ATP10B: variants seen among roughly 807,000 people sequenced by gnomAD.
The protein encoded by ATP10B is ATPase phospholipid transporting 10B (putative).
A neutral mutation model predicts 141.2 loss-of-function variants in ATP10B; 122 were observed. That is an observed-to-expected ratio of 0.86 (90% CI 0.75 to 1.00). The LOEUF (loss-of-function observed/expected upper bound fraction) is 1.00. Among genes scored for constraint, ATP10B ranks in the 50% least tolerant of loss-of-function variants. The probability of loss-of-function intolerance (pLI) is 0.00; values close to 1 mark genes in which losing one functional copy is unlikely to be tolerated. For synonymous variants in ATP10B, 685 were observed against 692.0 expected (o/e 0.99, Z 0.16); for missense variants, 1,876 against 1,825.3 (o/e 1.03, Z -0.51).
chr5:160,752,015 C>T (rs116721268), intron 2 of ATP10B, among the ~76,000 whole-genome samples: 76 of 152,198 alleles, frequency 5.0e-4, no homozygotes, highest in Non-Finnish European at 6.5e-4. Flanking sequence ...GAGTTAAAGA[C>T]GGCTGCGGCT....
intron 2 of ATP10B, among the ~76,000 whole-genome samples, chr5:160,740,945 T>C (rs1767426689): frequency 6.6e-6 from 1 of 152,200 alleles, no homozygotes; most frequent in South Asian, 2.1e-4. Flanking sequence ...CAATGGGACT[T>C]TGTAACCTCA....
At chr5:160,918,446 T>C in the ATP10B span, among the ~76,000 whole-genome samples, 54 of 152,120 alleles carry the variant, frequency 3.5e-4, no homozygotes, top group Non-Finnish European at 7.1e-4. Context: ...GAAGAGCATC[T>C]GAATGGAGAG....
chr5:160,571,366 G>A (rs1327540551), intron 24 of ATP10B, among the ~76,000 whole-genome samples: 1 of 151,960 alleles, frequency 6.6e-6, no homozygotes, highest in Non-Finnish European at 1.5e-5. Context: ...AGTTATTGTA[G>A]TCTTTATTTC....
chr5:160,573,671 AT>A (rs1561615408), intron 24 of ATP10B, among the ~76,000 whole-genome samples: 1 of 152,158 alleles, frequency 6.6e-6, no homozygotes. Context: ...TGAGACTCAA[AT>A]GCCTGATGAT....
At chr5:160,594,884 T>C (rs1444757153) in intron 22 of ATP10B, among the ~76,000 whole-genome samples, 3 of 152,178 alleles carry the variant, frequency 2.0e-5, no homozygotes, top group African/African-American at 7.2e-5. Flanking sequence ...AGCACCCAGA[T>C]TCATAAAGCA....
intron 1 of ATP10B, among the ~76,000 whole-genome samples, chr5:160,791,676 C>G (rs1315379025): frequency 6.6e-6 from 1 of 152,166 alleles, no homozygotes; most frequent in African/African-American, 2.4e-5. Flanking sequence ...GCAAAGGAAG[C>G]TGTTGCCTTA....
chr5:160,884,780 A>C, the ATP10B span, among the ~76,000 whole-genome samples: 1 of 152,222 alleles, frequency 6.6e-6, no homozygotes, highest in African/African-American at 2.4e-5. Flanking sequence ...TTAAGCAAAC[A>C]TTTGAAAGGT....
chr5:160,627,862 C>T (rs1159918897), intron 13 of ATP10B, among the ~76,000 whole-genome samples: 2 of 152,188 alleles, frequency 1.3e-5, no homozygotes, highest in African/African-American at 4.8e-5. Context: ...TTTCTGTGCA[C>T]CTTTGGGAAG....
chr5:160,875,158 G>A, the ATP10B span, among the ~76,000 whole-genome samples: 11 of 124,428 alleles, frequency 8.8e-5, no homozygotes, highest in Non-Finnish European at 1.4e-4. Flanking sequence ...CCCTCAAAGG[G>A]AAGCCCATCA....
At position 160,569,499 on chromosome 5, in the gene ATP10B, G is replaced by A; in HGVS notation, c.3935C>T (p.Pro1312Leu). Residue 1312 changes from proline (P) to leucine (L), a missense_variant, in exon 25 of 26, where the codon CCA becomes CTA. By Grantham distance (98) the Pro-to-Leu change is moderately conservative. Coordinates refer to ENST00000327245, the MANE Select transcript of ATP10B (RefSeq NM_025153.3). Reference protein sequence around the residue: ...CFLTPVVALLPRYFFLSLQGT... With the variant: ...CFLTPVVALLLRYFFLSLQGT... ...AACACAGCCCTAGTGCTCAAACCTT[G>A]GGAGAAGAGCAACAACTGGTGTGAG... 6.2e-7 allele frequency: 1 copy of A among 1,613,714 alleles called. No homozygotes were observed. Among genetic ancestry groups the A allele is most frequent in the Non-Finnish European group, 8.5e-7 (1 of 1,179,768 alleles).
At chr5:160,675,137 G>A (rs896459581) in intron 6 of ATP10B, among the ~76,000 whole-genome samples, 24 of 152,146 alleles carry the variant, frequency 1.6e-4, no homozygotes, top group African/African-American at 3.1e-4. Context: ...GCCAGGAGCC[G>A]CCTGCAGAAG....
At chr5:160,856,919 C>T (rs1350271760), upstream of ATP10B, among the ~76,000 whole-genome samples, 3 of 151,622 alleles carry the variant, frequency 2.0e-5, no homozygotes, top group African/African-American at 7.3e-5. Flanking sequence ...GAAATAGACT[C>T]CATTTGGCCA....
At chr5:160,801,139 T>C (rs963429178) in intron 1 of ATP10B, among the ~76,000 whole-genome samples, 4 of 152,178 alleles carry the variant, frequency 2.6e-5, no homozygotes, top group African/African-American at 9.7e-5. Flanking sequence ...TCATCCAACA[T>C]TCCAGCTGCC....
At chr5:160,702,301 A>G (rs1234830057) in intron 3 of ATP10B, among the ~76,000 whole-genome samples, 1 of 152,248 alleles carries the variant, frequency 6.6e-6, no homozygotes, top group African/African-American at 2.4e-5. Context: ...AGCCGTAGGC[A>G]TTAAATTCCT....
chr5:160,920,329 C>T, the ATP10B span, among the ~76,000 whole-genome samples: 1 of 152,186 alleles, frequency 6.6e-6, no homozygotes, highest in East Asian at 1.9e-4. Context: ...TTAATAGGTA[C>T]ATGTTTTGGT....
At chr5:160,640,617 G>A (rs369401294) in intron 9 of ATP10B, 25 bp from the exon 10 acceptor site, 20 of 1,613,168 alleles carry the variant, frequency 1.2e-5, no homozygotes, top group Non-Finnish European at 1.4e-5. Context: ...GAGGAAATCA[G>A]TCCCTTAGTT....
At chr5:160,885,484 C>A in the ATP10B span, among the ~76,000 whole-genome samples, 1 of 152,212 alleles carries the variant, frequency 6.6e-6, no homozygotes, top group Non-Finnish European at 1.5e-5. Flanking sequence ...AGGAAGACAC[C>A]TTGGCAAAAC....
chr5:160,803,774 C>T (rs1035566106), intron 1 of ATP10B, among the ~76,000 whole-genome samples: 5 of 152,198 alleles, frequency 3.3e-5, no homozygotes, highest in African/African-American at 1.2e-4. Flanking sequence ...ACTAAACTCT[C>T]CTTAATTAAT....
chr5:160,802,399 G>A (rs1180105120), intron 1 of ATP10B, among the ~76,000 whole-genome samples: 1 of 152,216 alleles, frequency 6.6e-6, no homozygotes, highest in Non-Finnish European at 1.5e-5. Context: ...TCAACTGGAA[G>A]CAATTTTGTC....
Sources: allele counts gnomAD v4.1 joint callset (sites outside exome capture counted in the v4.1 genomes callset), GRCh38; gene constraint gnomAD v4.1.1; transcripts MANE v1.5; gene names NCBI Gene and HGNC (gene_info 2026-07-23, HGNC 2026-07-21).